TUSC3: variants seen among roughly 807,000 people sequenced by gnomAD.
TUSC3 encodes the protein dolichyl-diphosphooligosaccharide--protein glycosyltransferase subunit TUSC3.
TUSC3 carries 45 observed loss-of-function variants against 44.8 expected under a neutral mutation model. The observed-to-expected ratio is 1.00, with a 90% CI of 0.79 to 1.29. The LOEUF (loss-of-function observed/expected upper bound fraction) is 1.29, where lower values mean the gene tolerates loss of function less well. Among genes scored for constraint, TUSC3 ranks in the 50% most tolerant of loss-of-function variants. TUSC3 has a pLI of 0.00. For missense variants in TUSC3, 519 were observed against 437.9 expected (o/e 1.19, Z -1.65); for synonymous variants, 212 against 152.9 (o/e 1.39, Z -2.85).
chr8:15,789,838 C>T, the TUSC3 span, among the ~76,000 whole-genome samples: 9 of 152,162 alleles, frequency 5.9e-5, no homozygotes, highest in African/African-American at 1.2e-4. Context: ...AAAAACGGTA[C>T]GGAAAGAAGA....
chr8:15,417,295 C>A (rs1414285701), exon 1 of TUSC3: 1 of 152,468 alleles, frequency 6.6e-6, no homozygotes, highest in Non-Finnish European at 1.5e-5. Flanking sequence ...TCCTGCATAG[C>A]CTGCAGAAAT....
At chr8:15,597,454 A>C (rs1300263591) in intron 1 of TUSC3, among the ~76,000 whole-genome samples, 1 of 152,130 alleles carries the variant, frequency 6.6e-6, no homozygotes, top group African/African-American at 2.4e-5. Context: ...TATTGAGAAC[A>C]TTGATGTATT....
chr8:15,500,043 C>G (rs577402003), intron 2 of TUSC3, among the ~76,000 whole-genome samples: 2 of 152,278 alleles, frequency 1.3e-5, no homozygotes, highest in East Asian at 1.9e-4. Context: ...CATTTATTGT[C>G]TTGGTTCAAT....
intron 1 of TUSC3, among the ~76,000 whole-genome samples, chr8:15,574,089 A>G (rs1026475426): frequency 6.6e-6 from 1 of 152,134 alleles, no homozygotes; most frequent in African/African-American, 2.4e-5. Flanking sequence ...ACCTAACAAG[A>G]GAAGTTCAGC....
chr8:15,749,835 A>G (rs1217460406), intron 9 of TUSC3, among the ~76,000 whole-genome samples: 1 of 147,432 alleles, frequency 6.8e-6, no homozygotes, highest in Non-Finnish European at 1.5e-5. Flanking sequence ...CTGTAAATTA[A>G]GAAAAATAGA....
At chr8:15,739,471 G>A (rs528915027) in intron 7 of TUSC3, among the ~76,000 whole-genome samples, 1 of 152,136 alleles carries the variant, frequency 6.6e-6, no homozygotes, top group African/African-American at 2.4e-5. Context: ...TGTTAATAGG[G>A]AGTCTGCATA....
Position 15,449,538 on chromosome 8 carries a change from A to G in TUSC3, n.91+32233A>G, listed in dbSNP as rs1285136985. Among the ~76,000 whole-genome samples the G allele has an allele frequency of 2.0e-5, 3 of 152,126 alleles. No homozygotes were observed. In the East Asian group the frequency reaches 5.8e-4, roughly 29 times the overall value. On this transcript the variant is annotated intron_variant and non_coding_transcript_variant, in intron 1 of 5. Coordinates refer to the TUSC3 transcript ENST00000503191. ...CAGCTTCAGGCAGTTGGTTAAAATC[A>G]GTGGTGGAGGACTTTTGAAACTGCT... is the stretch of plus-strand genomic sequence containing the variant.
intron 5 of TUSC3, among the ~76,000 whole-genome samples, chr8:15,663,631 A>C (rs1188022138): frequency 6.6e-6 from 1 of 151,932 alleles, no homozygotes; most frequent in Non-Finnish European, 1.5e-5. Context: ...TGGCCTTTTA[A>C]GAGCAAGGAA....
chr8:15,677,020 A>AT (rs1808221194), intron 6 of TUSC3, among the ~76,000 whole-genome samples: 1 of 151,980 alleles, frequency 6.6e-6, no homozygotes, highest in Non-Finnish European at 1.5e-5. Flanking sequence ...TATTTTTTTA[A>AT]TTTTTTAAAA....
At chr8:15,731,415 G>T (rs1387186213) in intron 7 of TUSC3, among the ~76,000 whole-genome samples, 2 of 152,050 alleles carry the variant, frequency 1.3e-5, no homozygotes, top group Admixed American at 6.6e-5. Context: ...TATAAAATTT[G>T]ATTACTAATA....
At chr8:15,798,387 A>C in the TUSC3 span, among the ~76,000 whole-genome samples, 7 of 152,160 alleles carry the variant, frequency 4.6e-5, no homozygotes, top group Non-Finnish European at 5.9e-5. Context: ...CCCCTTTTCA[A>C]AATTCCCAAA....
intron 7 of TUSC3, among the ~76,000 whole-genome samples, chr8:15,735,428 C>T (rs1295501353): frequency 6.6e-6 from 1 of 152,058 alleles, no homozygotes; most frequent in Non-Finnish European, 1.5e-5. Flanking sequence ...CAAAAAAGTT[C>T]CTAAGATTGA....
chr8:15,544,461 T>A (rs1055528355), intron 1 of TUSC3, among the ~76,000 whole-genome samples: 6 of 151,788 alleles, frequency 4.0e-5, no homozygotes, highest in Non-Finnish European at 7.4e-5. Flanking sequence ...GATATGTAGG[T>A]AATAATGAAT....
At chr8:15,806,733 C>T in the TUSC3 span, 1 of 792,008 alleles carries the variant, frequency 1.3e-6, no homozygotes, top group Non-Finnish European at 2.2e-6. Flanking sequence ...GCCAGAGAGG[C>T]TTTCACATGC....
At chr8:15,643,063 G>A (rs1364802043) in intron 2 of TUSC3, among the ~76,000 whole-genome samples, 1 of 152,138 alleles carries the variant, frequency 6.6e-6, no homozygotes, top group Non-Finnish European at 1.5e-5. Context: ...TCTGATGATA[G>A]TGAGTGAGTC....
At chr8:15,445,920 C>T (rs983718140) in intron 1 of TUSC3, among the ~76,000 whole-genome samples, 3 of 140,252 alleles carry the variant, frequency 2.1e-5, no homozygotes, top group African/African-American at 8.0e-5. Context: ...CGCCCCCCAC[C>T]TTCCGGACGG....
chr8:15,576,276 C>CG (rs1803105332), intron 1 of TUSC3, among the ~76,000 whole-genome samples: 2 of 100,040 alleles, frequency 2.0e-5, no homozygotes, highest in East Asian at 6.9e-4. Context: ...TCTTGGTCCT[C>CG]TTGTTTTTTT....
intron 8 of TUSC3, among the ~76,000 whole-genome samples, chr8:15,745,807 T>C (rs1246549293): frequency 6.6e-6 from 1 of 152,020 alleles, no homozygotes; most frequent in African/African-American, 2.4e-5. Context: ...CACTTGCCAG[T>C]TTTTATTTGC....
At chr8:15,837,330 A>T in the TUSC3 span, among the ~76,000 whole-genome samples, 2 of 152,096 alleles carry the variant, frequency 1.3e-5, no homozygotes, top group African/African-American at 4.8e-5. Context: ...TTATTTCTCA[A>T]GAGCTTTATT....
Sources: allele counts gnomAD v4.1 joint callset (sites outside exome capture counted in the v4.1 genomes callset), GRCh38; gene constraint gnomAD v4.1.1; transcripts MANE v1.5; gene names NCBI Gene and HGNC (gene_info 2026-07-23, HGNC 2026-07-21).